TTF1: variants seen among roughly 807,000 people sequenced by gnomAD.
TTF1 encodes the protein transcription termination factor 1.
In TTF1, 64 loss-of-function variants were observed where a neutral mutation model predicts 80.2. The observed-to-expected ratio is 0.80, with a 90% CI of 0.65 to 0.98. TTF1 has a LOEUF of 0.98. Ranked by LOEUF, TTF1 falls within the 50% of genes least tolerant of loss-of-function variation. The pLI is 0.00. For missense variants in TTF1, 1,023 were observed against 1,086.2 expected, an observed-to-expected ratio of 0.94 and a Z score of 0.82; for synonymous variants, 372 against 382.7, an observed-to-expected ratio of 0.97 and a Z score of 0.33.
chr9:132,395,264 T>A (rs1237324951), intron 5 of TTF1, among the ~76,000 whole-genome samples: 1 of 152,152 alleles, frequency 6.6e-6, no homozygotes, highest in African/African-American at 2.4e-5. Flanking sequence ...CTTTGATTTT[T>A]TACTTTCTAT....
At chr9:132,388,027 T>G (rs1001795773) in intron 8 of TTF1, 112 bp downstream of exon 8, 1 of 739,056 alleles carries the variant, frequency 1.4e-6, no homozygotes, top group African/African-American at 1.7e-5. Flanking sequence ...CGGAAAGTGC[T>G]GGAACAGGGA....
chr9:132,390,756 T>A lies in TTF1; in HGVS notation c.2063A>T (p.Lys688Met). The change falls in exon 7 of 11, where the codon AAG (lysine) becomes ATG (methionine). Residue 688 changes from lysine to methionine, a missense_variant. Coordinates refer to ENST00000334270, the MANE Select transcript of TTF1 (RefSeq NM_007344.4). ...IKAVEEVILK[K>M]MSPQELKEVD... The stretch of plus-strand genomic sequence containing the variant: ...CTCTTTTAACTCCTGGGGAGACATC[T>A]TCTTCAGAATCACTTCTTCGACAGC... 1 of 1,614,222 alleles carries A rather than the reference T, an allele frequency of 6.2e-7. No homozygotes were observed. Among genetic ancestry groups the A allele is most frequent in the Non-Finnish European group, 8.5e-7 (1 of 1,180,032 alleles).
At chr9:132,393,275 C>CCA (rs1554729453) in intron 5 of TTF1, among the ~76,000 whole-genome samples, 3 of 151,970 alleles carry the variant, frequency 2.0e-5, no homozygotes, top group African/African-American at 7.3e-5. Flanking sequence ...GCAAGCCCCC[C>CCA]CCGCAAACTG....
At chr9:132,388,262 T>C in intron 7 of TTF1, 34 bp from the exon 8 acceptor site, 1 of 1,485,754 alleles carries the variant, frequency 6.7e-7, no homozygotes, top group Non-Finnish European at 9.3e-7. Context: ...TAGTTTACTT[T>C]CAAGGGTAGA....
At chr9:132,405,627 T>C (rs1849851734) in intron 1 of TTF1, among the ~76,000 whole-genome samples, 1 of 152,200 alleles carries the variant, frequency 6.6e-6, no homozygotes, top group Admixed American at 6.5e-5. Flanking sequence ...ATATAGTCTC[T>C]CCCTGCTAAA....
intron 6 of TTF1, 125 bp downstream of exon 6, chr9:132,391,951 A>G (rs747637263): frequency 5.5e-5 from 80 of 1,449,624 alleles, no homozygotes; most frequent in Middle Eastern, 5.1e-4. Flanking sequence ...AGAACAGCTT[A>G]AGAAACAAAG....
At chr9:132,386,818 G>A (rs555844755) in intron 8 of TTF1, among the ~76,000 whole-genome samples, 197 bp from the exon 9 acceptor site, 2 of 152,272 alleles carry the variant, frequency 1.3e-5, no homozygotes, top group East Asian at 3.9e-4. Context: ...CTACAGAGAT[G>A]GGCTGAAAAG....
In TTF1 at chr9:132,384,959, G is replaced by C. The variant is rs147603254; in HGVS notation, c.2378+1597C>G. Among the ~76,000 whole-genome samples the C allele has an allele frequency of 2.0e-3, 307 of 152,198 alleles. No homozygotes were observed. Among genetic ancestry groups the C allele is most frequent in the Non-Finnish European group, 3.0e-3 (206 of 68,020 alleles). ...GCAAGAGCCACCGTGCCCAGCCTAC[G>C]TTTCTTTAATTCTGGACTACGTAAT... On this transcript the variant is annotated intron_variant, in intron 9 of 10. Transcript: ENST00000334270. This position sits in a 1 kb window ranked among gnomAD's most constrained non-coding sequence, Gnocchi z 4.1.
Position 132,390,792 on chromosome 9 carries a change from T to C in TTF1, c.2027A>G (p.Lys676Arg), listed in dbSNP as rs751911549. 22 of 1,614,078 alleles carry C rather than the reference T, an allele frequency of 1.4e-5. No individual in the cohort carries two copies. Among genetic ancestry groups the C allele is most frequent in the Admixed American group, 1.7e-5 (1 of 60,006 alleles). ...CACTTCTTCGACAGCCTTGATTAGT[T>C]TCCGGGTTTCAGACTTACTCCAAGC... is the stretch of plus-strand genomic sequence containing the variant. ...RGAWSKSETR[K>R]LIKAVEEVIL... Residue 676 changes from lysine to arginine, a missense_variant, in exon 7 of 11, where the codon AAA becomes AGA. Lys to Arg is a conservative substitution (Grantham distance 26, BLOSUM62 2). Coordinates refer to ENST00000334270, the MANE Select transcript of TTF1 (RefSeq NM_007344.4).
intron 9 of TTF1, 91 bp downstream of exon 9, chr9:132,386,465 A>G: frequency 9.2e-7 from 1 of 1,084,304 alleles, no homozygotes; most frequent in South Asian, 1.4e-5. Context: ...ATGCAGCATC[A>G]TTATCAGCCC....
At chr9:132,382,250 G>C (rs758016826) in intron 9 of TTF1, among the ~76,000 whole-genome samples, 2 of 152,140 alleles carry the variant, frequency 1.3e-5, no homozygotes, top group Non-Finnish European at 2.9e-5. Flanking sequence ...TCTCACATGA[G>C]AAATGCAAAT....
At chr9:132,399,631 C>T (rs1401174561) in intron 3 of TTF1, among the ~76,000 whole-genome samples, 1 of 152,208 alleles carries the variant, frequency 6.6e-6, no homozygotes, top group African/African-American at 2.4e-5. Context: ...AAGTCTACCA[C>T]AACTGGCTCA....
At position 132,399,944 on chromosome 9, in the gene TTF1, G is replaced by C. The variant is rs116659960; in HGVS notation, c.1591+91C>G. 208 of 1,322,284 alleles carry C rather than the reference G, an allele frequency of 1.6e-4. No homozygotes were observed. The East Asian group carries it at 4.8e-3, about 30-fold the overall frequency. 81.9% of individuals were successfully genotyped at this position (1,322,284 alleles called of 1,614,324 possible). A position where few individuals can be genotyped will look rare whatever the true frequency, so the allele number is the denominator to read the frequency against. ...AGGAGGAGAAAGAATGCTTCTTGTC[G>C]ATCTATAAATCTGAATCATCCATAA... On this transcript the variant is annotated intron_variant, in intron 3 of 10. Coordinates refer to ENST00000334270, the MANE Select transcript of TTF1 (RefSeq NM_007344.4).
chr9:132,378,989 G>A, intron 10 of TTF1, 70 bp downstream of exon 10: 4 of 1,221,814 alleles, frequency 3.3e-6, no homozygotes, highest in Non-Finnish European at 4.6e-6. Context: ...ACCTGCCTAG[G>A]TGACTTTCAT....
intron 1 of TTF1, among the ~76,000 whole-genome samples, chr9:132,406,276 A>G (rs1280938088): frequency 6.6e-6 from 1 of 152,074 alleles, no homozygotes; most frequent in Non-Finnish European, 1.5e-5. Flanking sequence ...GGAACTAACC[A>G]GATGTGAATT....
Position 132,400,185 on chromosome 9 carries a change from A to C in TTF1, c.1441T>G (p.Ser481Ala). The C allele has an allele frequency of 3.7e-6, 6 of 1,614,166 alleles. No individual in the cohort carries two copies. The highest frequency in any genetic ancestry group is 5.1e-6 in the Non-Finnish European group (6 of 1,180,032). ...DSEIRYLSAD[S>A]GDADDSDADL... Reference sequence around the variant, plus strand: ...GCATCTGAATCATCGGCATCTCCTGAATCTGCAGATAAGTATCTTATTTCG... The same window carrying C: ...GCATCTGAATCATCGGCATCTCCTGCATCTGCAGATAAGTATCTTATTTCG... Residue 481 changes from serine (S) to alanine (A), a missense_variant, in exon 3 of 11, where the codon TCA (serine) becomes GCA (alanine). Coordinates refer to ENST00000334270, the MANE Select transcript of TTF1 (RefSeq NM_007344.4).
At position 132,376,022 on chromosome 9, in the gene TTF1, C is replaced by A; in HGVS notation, c.2611G>T (p.Asp871Tyr). ...PFRDIFYYEDDSEGEDIEKES... is the reference protein window; with the variant it reads ...PFRDIFYYEDYSEGEDIEKES... ...TTTTCTATGTCCTCTCCTTCACTATCGTCTTCATAATAAAAGATGTCTCGA... is the reference window on the plus strand; with the variant it reads ...TTTTCTATGTCCTCTCCTTCACTATAGTCTTCATAATAAAAGATGTCTCGA... The change falls in exon 11 of 11, where the codon GAT (aspartate) becomes TAT (tyrosine). Residue 871 changes from aspartate to tyrosine, a missense_variant. By Grantham distance (160) the Asp-to-Tyr change is radical. Transcript: ENST00000334270. The A allele has an allele frequency of 1.9e-6, 3 of 1,614,192 alleles. No individual in the cohort carries two copies. The highest frequency in any genetic ancestry group is 2.5e-6 in the Non-Finnish European group (3 of 1,180,040).
Position 132,402,818 on chromosome 9 carries a change from C to T in TTF1, c.4G>A (p.Glu2Lys). 2 of 1,571,334 alleles carry T rather than the reference C, an allele frequency of 1.3e-6. No homozygotes were observed. Among genetic ancestry groups the T allele is most frequent in the Non-Finnish European group, 1.7e-6 (2 of 1,165,608 alleles). The change falls in exon 2 of 11, where the codon GAA (glutamate) becomes AAA (lysine). Residue 2 changes from glutamate to lysine, a missense_variant. Physicochemically the swap from Glu to Lys is moderately conservative, Grantham distance 56 (BLOSUM62 1). Coordinates refer to ENST00000334270, the MANE Select transcript of TTF1 (RefSeq NM_007344.4). ...ATTTCAAATCTGCTTGATTCTCCTTCCATTTTATTCCTATATGGAAATGTG... is the reference window on the plus strand; with the variant it reads ...ATTTCAAATCTGCTTGATTCTCCTTTCATTTTATTCCTATATGGAAATGTG... Reference protein sequence around the residue: MEGESSRFEIHT... With the variant: MKGESSRFEIHT...
chr9:132,377,373 GGTGT>G lies in TTF1; in HGVS notation c.2465-1209_2465-1206del, dbSNP rs548396986. Among the ~76,000 whole-genome samples the G allele has an allele frequency of 5.2e-3, 689 of 131,380 alleles. 19 individuals carry two copies. The highest frequency in any genetic ancestry group is 0.017 in the African/African-American group (546 of 32,616). 86.2% of individuals were successfully genotyped at this position (131,380 alleles called of 152,430 possible). A position where few individuals can be genotyped will look rare whatever the true frequency, so the allele number is the denominator to read the frequency against. On this transcript the variant is annotated intron_variant, in intron 10 of 10. Transcript: ENST00000334270. ...GCATGTGGTGTGTGTGAGTGCATGTGGTGTGTGTGAGTGCATGTGGTGTGAGTGC... is the reference window on the plus strand; with the variant it reads ...GCATGTGGTGTGTGTGAGTGCATGTGGTGTGAGTGCATGTGGTGTGAGTGC...
Sources: allele counts gnomAD v4.1 joint callset (sites outside exome capture counted in the v4.1 genomes callset), GRCh38; gene constraint gnomAD v4.1.1; non-coding constraint Gnocchi (gnomAD v3.1); transcripts MANE v1.5; gene names NCBI Gene and HGNC (gene_info 2026-07-23, HGNC 2026-07-21).